BTNL9: variants seen among roughly 807,000 people sequenced by gnomAD.
BTNL9 encodes butyrophilin like 9, also known as butyrophilin-like protein 9.
In BTNL9, 45 loss-of-function variants were observed where a neutral mutation model predicts 45.8. The observed-to-expected ratio is 0.98, with a 90% CI of 0.77 to 1.26. The LOEUF is 1.26. Among genes scored for constraint, BTNL9 ranks in the 50% most tolerant of loss-of-function variants. The pLI, the probability that BTNL9 is intolerant of heterozygous loss-of-function variation, is 0.00. For synonymous variants in BTNL9, 346 were observed against 330.8 expected, an observed-to-expected ratio of 1.05 and a Z score of -0.50; for missense variants, 784 against 729.7, an observed-to-expected ratio of 1.07 and a Z score of -0.86.
At chr5:181,048,998 A>G (rs1217349480) in intron 3 of BTNL9, among the ~76,000 whole-genome samples, 1 of 148,706 alleles carries the variant, frequency 6.7e-6, no homozygotes, top group Non-Finnish European at 1.5e-5. Context: ...AAGGCAAATC[A>G]AAGCTATGTC....
At chr5:181,047,627 C>A in intron 2 of BTNL9, 2 of 635,418 alleles carry the variant, frequency 3.1e-6, no homozygotes, top group African/African-American at 1.9e-5. Flanking sequence ...TCGCTTAATG[C>A]CTTGGTCATA....
chr5:181,040,632 CA>C (rs756620294), intron 1 of BTNL9, among the ~76,000 whole-genome samples, 200 bp downstream of exon 1: 2 of 152,248 alleles, frequency 1.3e-5, no homozygotes, highest in Non-Finnish European at 2.9e-5. Flanking sequence ...TCTCAGGAGG[CA>C]GGATCCTGAT....
chr5:181,045,553 T>A lies in BTNL9; in HGVS notation c.64T>A (p.Phe22Ile), dbSNP rs750916979. 1.2e-6 allele frequency: 2 copies of A among 1,612,784 alleles called. No individual in the cohort carries two copies. Among genetic ancestry groups the A allele is most frequent in the East Asian group, 4.5e-5 (2 of 44,866 alleles). Residue 22 changes from phenylalanine (F) to isoleucine (I), a missense_variant, in exon 2 of 11, where the codon TTC becomes ATC. Coordinates refer to ENST00000327705, the MANE Select transcript of BTNL9 (RefSeq NM_152547.5). ...KPVSLTSSLV[F>I]LMHLLLLQPG... is the part of the protein sequence containing the mutation. ...AGTATCGCTGACCAGCAGTCTTGTC[T>A]TCCTCATGCACCTCCTCCTCCTTCA...
At position 181,060,045 on chromosome 5, in the gene BTNL9, A is replaced by C. The variant is rs1370086395; in HGVS notation, c.*183A>C. On this transcript the variant is annotated 3_prime_UTR_variant, in exon 11 of 11. Transcript: ENST00000327705. ...TAGTGCGATTTTCTTCAAGGAAAGG[A>C]GACAAGTCCAAAGCTCGTTTGTGGA... 1.6e-6 allele frequency: 1 copy of C among 616,484 alleles called. No individual in the cohort carries two copies. Among genetic ancestry groups the C allele is most frequent in the Non-Finnish European group, 2.8e-6 (1 of 359,884 alleles). 38.2% of individuals were successfully genotyped at this position (616,484 alleles called of 1,614,324 possible).
chr5:181,054,008 G>A (rs1383263551), intron 6 of BTNL9: 2 of 1,539,472 alleles, frequency 1.3e-6, no homozygotes, highest in African/African-American at 2.7e-5. Context: ...ACTAGCAGGA[G>A]GGAGGGCGCT....
intron 3 of BTNL9, 86 bp downstream of exon 3, chr5:181,048,357 A>G (rs1761302915): frequency 8.1e-7 from 1 of 1,240,816 alleles, no homozygotes; most frequent in Admixed American, 2.5e-5. Context: ...AGAACAGAAG[A>G]ATGTCGGTGA....
chr5:181,058,376 C>T lies in BTNL9; in HGVS notation c.980C>T (p.Ala327Val). The T allele has an allele frequency of 6.2e-7, 1 of 1,614,060 alleles. No homozygotes were observed. The highest frequency in any genetic ancestry group is 8.5e-7 in the Non-Finnish European group (1 of 1,179,976). ...QAEWRAAQKY[A>V]VDVTLDPASA... ...GAGTGGAGAGCAGCCCAAAAATATG[C>T]AGGTAACTGAAGCCAGGAAACTGAT... Residue 327 changes from alanine (A) to valine (V), a missense_variant and splice_region_variant, in exon 10 of 11, where the codon GCA (alanine) becomes GTA (valine). By Grantham distance (64) the Ala-to-Val change is moderately conservative. Transcript: ENST00000327705.
At chr5:181,046,512 A>C (rs189517705) in intron 2 of BTNL9, among the ~76,000 whole-genome samples, 4 of 152,314 alleles carry the variant, frequency 2.6e-5, no homozygotes, top group African/African-American at 9.6e-5. Flanking sequence ...CAGAGGGTGC[A>C]AACTAATAAT....
At chr5:181,056,462 C>A in intron 9 of BTNL9, 1 of 690,174 alleles carries the variant, frequency 1.4e-6, no homozygotes, top group Non-Finnish European at 2.7e-6. Flanking sequence ...CTTGCTTTTC[C>A]CGTATGCATC....
At chr5:181,048,735 A>C (rs200223783) in intron 3 of BTNL9, among the ~76,000 whole-genome samples, 1,125 of 71,910 alleles carry the variant, frequency 0.016, 12 homozygotes, top group East Asian at 0.069. Context: ...ATCTATATAT[A>C]TATCTATCTA....
Position 181,042,389 on chromosome 5 carries a change from C to T in BTNL9, c.-24+1957C>T, listed in dbSNP as rs73815174. ...GGCAAAACCTCCTCACCAGGAACAA[C>T]CTGAAATCAATTTACACTGTAATCA... is the stretch of plus-strand genomic sequence containing the variant. On this transcript the variant is annotated intron_variant, in intron 1 of 10. Coordinates refer to ENST00000327705, the MANE Select transcript of BTNL9 (RefSeq NM_152547.5). This position sits in a 1 kb window ranked among gnomAD's most constrained non-coding sequence, Gnocchi z 4.5. Among the ~76,000 whole-genome samples, 2,668 of 152,274 alleles carry T rather than the reference C, an allele frequency of 0.018. 94 individuals carry two copies. The highest frequency in any genetic ancestry group is 0.061 in the African/African-American group (2,541 of 41,540).
intron 1 of BTNL9, among the ~76,000 whole-genome samples, chr5:181,041,502 T>C (rs562907770): frequency 2.9e-4 from 44 of 152,362 alleles, no homozygotes; most frequent in African/African-American, 8.4e-4. Context: ...TTCTCCATTC[T>C]TGCTTTGCTG....
At chr5:181,047,805 A>T in intron 2 of BTNL9, 122 bp from the exon 3 acceptor site, 1 of 909,554 alleles carries the variant, frequency 1.1e-6, no homozygotes, top group Non-Finnish European at 1.6e-6. Context: ...GTTGTCCTGT[A>T]GAGTATCTCA....
Position 181,050,424 on chromosome 5 carries a change from T to C in BTNL9, c.736+55T>C, listed in dbSNP as rs1761470777. ...CCTAGTCCTCATGTGTACATACACATTGGCCCAAAGGCAGTCTATAAAGAC... is the reference window on the plus strand; with the variant it reads ...CCTAGTCCTCATGTGTACATACACACTGGCCCAAAGGCAGTCTATAAAGAC... On this transcript the variant is annotated intron_variant, in intron 4 of 10. Transcript: ENST00000327705. This position sits in a 1 kb window ranked among gnomAD's most constrained non-coding sequence, Gnocchi z 4.9. The C allele has an allele frequency of 1.9e-6, 3 of 1,581,232 alleles. No homozygotes were observed. Among genetic ancestry groups the C allele is most frequent in the Non-Finnish European group, 2.6e-6 (3 of 1,159,120 alleles).
At chr5:181,041,987 C>A (rs754470333) in intron 1 of BTNL9, among the ~76,000 whole-genome samples, 1 of 152,116 alleles carries the variant, frequency 6.6e-6, no homozygotes, top group Non-Finnish European at 1.5e-5. Context: ...AAGTACTCAT[C>A]TTTAAAGACA....
At chr5:181,040,841 G>A (rs759169591) in intron 1 of BTNL9, among the ~76,000 whole-genome samples, 10 of 152,242 alleles carry the variant, frequency 6.6e-5, no homozygotes, top group Non-Finnish European at 1.2e-4. Context: ...GGGGAGGCCC[G>A]TGGGAGAGGG....
chr5:181,054,386 C>T (rs1345723535), intron 7 of BTNL9, 127 bp downstream of exon 7: 11 of 1,524,602 alleles, frequency 7.2e-6, no homozygotes, highest in African/African-American at 1.4e-5. Context: ...CTGTGAGCCT[C>T]CACCTCTTCC....
At chr5:181,043,296 GT>G (rs933281713) in intron 1 of BTNL9, 4 of 151,966 alleles carry the variant, frequency 2.6e-5, no homozygotes, top group African/African-American at 9.7e-5. Context: ...GTGTGTCTGT[GT>G]GTGTGTGTGT....
In BTNL9 at chr5:181,059,763, C is replaced by G; in HGVS notation, c.1509C>G (p.Cys503Trp). The G allele has an allele frequency of 6.2e-7, 1 of 1,611,600 alleles. No individual in the cohort carries two copies. Among genetic ancestry groups the G allele is most frequent in the Non-Finnish European group, 8.5e-7 (1 of 1,179,786 alleles). ...GGEHPDPLTICPLPVRGTGVP... is the reference protein window; with the variant it reads ...GGEHPDPLTIWPLPVRGTGVP... Reference sequence around the variant, plus strand: ...AACATCCGGATCCCCTGACCATCTGCCCGCTGCCGGTTAGAGGGACGGGCG... The same window carrying G: ...AACATCCGGATCCCCTGACCATCTGGCCGCTGCCGGTTAGAGGGACGGGCG... Residue 503 changes from cysteine to tryptophan, a missense_variant, in exon 11 of 11, where the codon TGC becomes TGG. Coordinates refer to ENST00000327705, the MANE Select transcript of BTNL9 (RefSeq NM_152547.5).
Sources: gnomAD v4.1 joint callset for allele counts (sites outside exome capture counted in the v4.1 genomes callset) on GRCh38, gnomAD v4.1.1 for gene constraint, Gnocchi (gnomAD v3.1) non-coding constraint, MANE v1.5 for transcripts, NCBI Gene and HGNC (gene_info 2026-07-23, HGNC 2026-07-21) for gene names.